The following MPPED1 variants were observed in gnomAD, a reference collection of about 807,000 sequenced individuals.
MPPED1 encodes metallophosphoesterase domain containing 1.
Under a neutral mutation model 36.2 loss-of-function variants are expected in MPPED1, and 16 were observed. That is an observed-to-expected ratio of 0.44 (90% CI 0.30 to 0.67). MPPED1 has a LOEUF of 0.67. Among genes scored for constraint, MPPED1 ranks in the 30% least tolerant of loss-of-function variants. MPPED1 has a pLI of 0.10. For synonymous variants in MPPED1, 199 were observed against 191.3 expected (o/e 1.04, Z -0.33); for missense variants, 307 against 453.4 (o/e 0.68, Z 2.93).
intron 4 of MPPED1, among the ~76,000 whole-genome samples, chr22:43,496,263 T>A (rs1373993795): frequency 4.9e-4 from 22 of 45,202 alleles, no homozygotes; most frequent in Non-Finnish European, 7.5e-4. Context: ...GTGGTGGAGG[T>A]AGTGGTGGTG....
chr22:43,499,657 G>T (rs1410138657), intron 5 of MPPED1, among the ~76,000 whole-genome samples: 2 of 79,636 alleles, frequency 2.5e-5, no homozygotes, highest in Non-Finnish European at 5.1e-5. Context: ...GTGGTGATGG[G>T]GGTGGCGGTG....
chr22:43,463,039 A>C (rs1187064358), intron 3 of MPPED1, among the ~76,000 whole-genome samples: 1 of 152,114 alleles, frequency 6.6e-6, no homozygotes, highest in East Asian at 1.9e-4. Context: ...TGAGTTGCAG[A>C]TCATTTTCCC....
Position 43,497,935 on chromosome 22 carries a change from G to GTATATATATATA in MPPED1, c.633-298_633-287dup, listed in dbSNP as rs753427064. Among the ~76,000 whole-genome samples the GTATATATATATA allele has an allele frequency of 6.2e-3, 795 of 128,278 alleles. 28 individuals are homozygous for GTATATATATATA. The highest frequency in any genetic ancestry group is 7.3e-3 in the Non-Finnish European group (460 of 63,012). The allele number at this position is 128,278 out of a possible 152,430, so 84.2% of individuals were successfully genotyped here. On this transcript the variant is annotated intron_variant, in intron 4 of 6. Transcript: ENST00000443721. The stretch of plus-strand genomic sequence containing the variant: ...AAGAAGCTGATATATATATGTATAT[G>GTATATATATATA]TATATATATATATGTATTTAGCTTT...
At chr22:43,500,028 G>A (rs1479842146) in intron 5 of MPPED1, among the ~76,000 whole-genome samples, 1 of 90,982 alleles carries the variant, frequency 1.1e-5, no homozygotes. Context: ...GGTGGTGGTG[G>A]TGGTGAGGGA....
At chr22:43,490,468 C>G (rs1269488240) in intron 4 of MPPED1, among the ~76,000 whole-genome samples, 1 of 152,106 alleles carries the variant, frequency 6.6e-6, no homozygotes, top group East Asian at 1.9e-4. Context: ...AACTGTCACC[C>G]CTAGAGGAAG....
At chr22:43,476,906 C>T (rs66530646) in intron 4 of MPPED1, among the ~76,000 whole-genome samples, 65,722 of 151,882 alleles carry the variant, frequency 0.43, 14,677 homozygotes, top group East Asian at 0.63. Context: ...CCAGGAGGGC[C>T]GTCTAGAAGG....
chr22:43,455,945 T>C (rs1250711418), intron 3 of MPPED1, among the ~76,000 whole-genome samples: 1 of 152,184 alleles, frequency 6.6e-6, no homozygotes, highest in Non-Finnish European at 1.5e-5. Flanking sequence ...GACATTCAGG[T>C]GTCGGCAGGG....
intron 4 of MPPED1, among the ~76,000 whole-genome samples, chr22:43,495,553 GAT>G (rs1306215434): frequency 1.0e-5 from 1 of 99,912 alleles, no homozygotes; most frequent in Admixed American, 1.1e-4. Context: ...TGGTGGTGGA[GAT>G]GGTGGTGGTG....
rs892802121 is a variant in MPPED1 at position 43,413,852 on chromosome 22, C to G, written c.-79+1694C>G. ...AGTCACGGAGGCTTAATCGTGTGTT[C>G]GGAAGTGTTTCAGTGTGGGACTGCC... On this transcript the variant is annotated intron_variant, in intron 1 of 6. Coordinates refer to ENST00000443721, the MANE Select transcript of MPPED1 (RefSeq NM_001044370.2). 3.7e-4 allele frequency among the ~76,000 whole-genome samples: 57 copies of G among 152,282 alleles called. 1 individual carries two copies. Among genetic ancestry groups the G allele is most frequent in the Admixed American group, 2.9e-3 (44 of 15,306 alleles).
intron 3 of MPPED1, among the ~76,000 whole-genome samples, chr22:43,436,270 C>T (rs1217901382): frequency 5.9e-5 from 9 of 152,310 alleles, no homozygotes; most frequent in Non-Finnish European, 7.4e-5. Flanking sequence ...GCCGTGGAGG[C>T]GTGGGTGCGG....
At chr22:43,454,873 G>T (rs1930698018) in intron 3 of MPPED1, among the ~76,000 whole-genome samples, 1 of 152,146 alleles carries the variant, frequency 6.6e-6, no homozygotes, top group African/African-American at 2.4e-5. Context: ...TTTGTATTCA[G>T]ATTCTTCAAG....
At position 43,474,930 on chromosome 22, in the gene MPPED1, G is replaced by C. The variant is rs200099326; in HGVS notation, c.601G>C (p.Val201Leu). ...CIYLQDSEVT[V>L]RGFRIYGSPW... ...CTACCTTCAGGACTCGGAGGTCACC[G>C]TGCGGGGCTTCCGGATCTATGGCTC... The change falls in exon 4 of 7, where the codon GTG (valine) becomes CTG (leucine). Residue 201 changes from valine to leucine, a missense_variant. Transcript: ENST00000443721. The surrounding 1 kb of genome is among the most constrained non-coding windows in gnomAD (Gnocchi z 5.2). 1 of 1,613,982 alleles carries C rather than the reference G, an allele frequency of 6.2e-7. No homozygotes were observed. Among genetic ancestry groups the C allele is most frequent in the Admixed American group, 1.7e-5 (1 of 60,028 alleles).
chr22:43,436,823 AT>A (rs1929978235), intron 3 of MPPED1, among the ~76,000 whole-genome samples: 2 of 152,220 alleles, frequency 1.3e-5, no homozygotes, highest in South Asian at 4.1e-4. Context: ...GCCTTGTTGA[AT>A]TTGGGAACAG....
chr22:43,432,672 AAGGGAGGAGAGAGAGAGAAAGGGAGG>A lies in MPPED1; in HGVS notation c.225-2359_225-2334del, dbSNP rs1929771258. Among the ~76,000 whole-genome samples the A allele has an allele frequency of 7.8e-4, 14 of 17,872 alleles. 5 individuals carry two copies. The highest frequency in any genetic ancestry group is 4.5e-3 in the African/African-American group (10 of 2,246). 11.7% of individuals were successfully genotyped at this position (17,872 alleles called of 152,430 possible). On this transcript the variant is annotated intron_variant, in intron 2 of 6. Transcript: ENST00000443721. ...AAGAGAAAGGGAGGAGAGAGAGAGAAAGGGAGGAGAGAGAGAGAAAGGGAGGAGAGAGAGAGAAGGGGAGGAGAGAG... is the reference window on the plus strand; with the variant it reads ...AAGAGAAAGGGAGGAGAGAGAGAGAAAGAGAGAGAGAAGGGGAGGAGAGAG...
chr22:43,441,323 A>G (rs1930140891), intron 3 of MPPED1, among the ~76,000 whole-genome samples: 2 of 152,026 alleles, frequency 1.3e-5, no homozygotes, highest in African/African-American at 4.8e-5. Flanking sequence ...TGACACTGCT[A>G]TCGTCTGTCC....
intron 2 of MPPED1, among the ~76,000 whole-genome samples, chr22:43,430,188 C>T (rs1318664070): frequency 6.6e-6 from 1 of 152,298 alleles, no homozygotes; most frequent in East Asian, 1.9e-4. Flanking sequence ...ACCTTCAGAG[C>T]ACCCCATGTC....
chr22:43,412,273 C>A, intron 1 of MPPED1, 115 bp downstream of exon 1: 10 of 657,858 alleles, frequency 1.5e-5, no homozygotes, highest in Non-Finnish European at 1.9e-5. Context: ...CAGGGGCGCC[C>A]GCAAAGTTAC....
intron 3 of MPPED1, among the ~76,000 whole-genome samples, chr22:43,457,041 G>A (rs963055229): frequency 6.6e-6 from 1 of 152,098 alleles, no homozygotes; most frequent in African/African-American, 2.4e-5. Flanking sequence ...AGGATTTTGA[G>A]CCTATATTCA....
intron 5 of MPPED1, among the ~76,000 whole-genome samples, chr22:43,498,699 C>A (rs1013378999): frequency 6.6e-6 from 1 of 152,088 alleles, no homozygotes; most frequent in African/African-American, 2.4e-5. Context: ...CTCCGGGCAG[C>A]CCTAACTCCC....
Sources: gnomAD v4.1 joint callset for allele counts (sites outside exome capture counted in the v4.1 genomes callset) on GRCh38, gnomAD v4.1.1 for gene constraint, Gnocchi (gnomAD v3.1) non-coding constraint, MANE v1.5 for transcripts, NCBI Gene and HGNC (gene_info 2026-07-23, HGNC 2026-07-21) for gene names.